The following ALMS1 variants were observed in gnomAD, a reference collection of about 807,000 sequenced individuals.
ALMS1 encodes the protein ALMS1 centrosome and basal body associated protein.
Under a neutral mutation model 352.2 loss-of-function variants are expected in ALMS1, and 271 were observed. The observed-to-expected ratio is 0.77, with a 90% CI of 0.70 to 0.85. ALMS1 has a LOEUF of 0.85. ALMS1 is among the 40% of genes least tolerant of loss of function. ALMS1 has a pLI of 0.00. For missense variants in ALMS1, 5,445 were observed against 4,870.7 expected, an observed-to-expected ratio of 1.12 and a Z score of -3.51; for synonymous variants, 1,865 against 1,761.2, an observed-to-expected ratio of 1.06 and a Z score of -1.48.
chr2:73,551,439 T>TC (rs1447082980), intron 13 of ALMS1, among the ~76,000 whole-genome samples: 1 of 125,978 alleles, frequency 7.9e-6, no homozygotes, highest in Non-Finnish European at 1.8e-5. Context: ...TTTTTTTTTT[T>TC]TTTTTTTTTT....
intron 12 of ALMS1, among the ~76,000 whole-genome samples, chr2:73,541,614 C>T (rs113839046): frequency 2.9e-4 from 44 of 152,224 alleles, no homozygotes; most frequent in Middle Eastern, 3.4e-3. Context: ...AATTGATAGA[C>T]TGCTGGCCAG....
intron 9 of ALMS1, among the ~76,000 whole-genome samples, chr2:73,459,873 A>G (rs953247740): frequency 1.3e-5 from 2 of 152,152 alleles, no homozygotes; most frequent in South Asian, 2.1e-4. Context: ...TATTGATACT[A>G]TGATGCTGTT....
intron 9 of ALMS1, among the ~76,000 whole-genome samples, chr2:73,473,813 T>C (rs79429689): frequency 0.06 from 9,130 of 152,022 alleles, 671 homozygotes; most frequent in African/African-American, 0.16. Context: ...AAAGGTCAGA[T>C]GATTTATTTA....
At chr2:73,426,338 G>A (rs1279102576) in intron 5 of ALMS1, 115 bp from the exon 6 acceptor site, 6 of 990,280 alleles carry the variant, frequency 6.1e-6, no homozygotes, top group East Asian at 2.4e-5. Flanking sequence ...AATTGCAGTC[G>A]CCCAAGAGAC....
At chr2:73,550,527 G>A in intron 13 of ALMS1, 90 bp downstream of exon 13, 1 of 1,518,984 alleles carries the variant, frequency 6.6e-7, no homozygotes, top group Non-Finnish European at 9.0e-7. Context: ...CTTTTTTTCT[G>A]TTTTGTTATA....
chr2:73,543,913 G>T (rs1674250597), intron 12 of ALMS1, among the ~76,000 whole-genome samples: 1 of 152,188 alleles, frequency 6.6e-6, no homozygotes, highest in Non-Finnish European at 1.5e-5. Context: ...TTACACTGTT[G>T]GTGGGACTGT....
chr2:73,442,709 G>T (rs1671742386), intron 7 of ALMS1, among the ~76,000 whole-genome samples: 1 of 152,126 alleles, frequency 6.6e-6, no homozygotes, highest in Non-Finnish European at 1.5e-5. Flanking sequence ...AGGAAACAAT[G>T]CTTTGTGCAA....
At chr2:73,542,799 A>G (rs996579478) in intron 12 of ALMS1, among the ~76,000 whole-genome samples, 4 of 152,114 alleles carry the variant, frequency 2.6e-5, no homozygotes, top group African/African-American at 7.2e-5. Context: ...TAGGAATCCA[A>G]CTTACAAGGG....
In ALMS1 at chr2:73,460,396, T is replaced by G. The variant is rs114877705; in HGVS notation, c.7674+5101T>G. Among the ~76,000 whole-genome samples, 1,429 of 152,204 alleles carry G rather than the reference T, an allele frequency of 9.4e-3. 36 individuals are homozygous for G. Among genetic ancestry groups the G allele is most frequent in the African/African-American group, 0.033 (1,373 of 41,522 alleles). ...TCAGTGAAAATCTGTTTTAAGAATG[T>G]GGTAATATAAAAATGATTTTAGACA... On this transcript the variant is annotated intron_variant, in intron 9 of 22. Transcript: ENST00000613296.
chr2:73,459,926 A>G (rs572778196), intron 9 of ALMS1, among the ~76,000 whole-genome samples: 1 of 152,284 alleles, frequency 6.6e-6, no homozygotes, highest in South Asian at 2.1e-4. Flanking sequence ...GTACATAATT[A>G]CACGCACCCC....
chr2:73,542,279 C>G (rs1424311389), intron 12 of ALMS1, among the ~76,000 whole-genome samples: 2 of 152,176 alleles, frequency 1.3e-5, no homozygotes, highest in Non-Finnish European at 2.9e-5. Context: ...ACATGATTAT[C>G]TCAATAGATG....
At chr2:73,500,588 A>T (rs907689183) in intron 10 of ALMS1, among the ~76,000 whole-genome samples, 1 of 152,082 alleles carries the variant, frequency 6.6e-6, no homozygotes, top group African/African-American at 2.4e-5. Context: ...ATATACAGAG[A>T]TAAGGAAAAA....
In ALMS1 at chr2:73,448,358, A is replaced by ACAACTGG; in HGVS notation, c.1834_1840dup (p.Met614AsnfsTer14). 1.9e-6 allele frequency: 3 copies of ACAACTGG among 1,614,062 alleles called. No homozygotes were observed. Among genetic ancestry groups the ACAACTGG allele is most frequent in the Non-Finnish European group, 2.5e-6 (3 of 1,179,942 alleles). On this transcript the variant is annotated frameshift_variant, in exon 8 of 23. Transcript: ENST00000613296. LOFTEE classifies it high-confidence loss of function. ...AGCTGCTCCTGGACTAGCTGACCAG[A>ACAACTGG]CAACTGGCATGTCAACTCTAACCTC...
chr2:73,552,279 A>G (rs1674454943), intron 13 of ALMS1, among the ~76,000 whole-genome samples: 1 of 152,238 alleles, frequency 6.6e-6, no homozygotes, highest in Non-Finnish European at 1.5e-5. Context: ...AGAGAAGCAT[A>G]TCTACCAGCT....
chr2:73,508,854 C>CT (rs1572983395), intron 10 of ALMS1, among the ~76,000 whole-genome samples: 1 of 152,274 alleles, frequency 6.6e-6, no homozygotes, highest in East Asian at 1.9e-4. Flanking sequence ...GTGTGGGAGT[C>CT]TAAGTCTCTT....
rs551870069 is a variant in ALMS1, at chr2:73,479,944, T to C, written c.7675-9690T>C. ...GTATGTAGTGGTATCTTATTAAGTT[T>C]TTAATGTGTATTTCCCTAATGGTTT... On this transcript the variant is annotated intron_variant, in intron 9 of 22. Coordinates refer to ENST00000613296, the MANE Select transcript of ALMS1 (RefSeq NM_001378454.1). Among the ~76,000 whole-genome samples, 10 of 152,304 alleles carry C rather than the reference T, an allele frequency of 6.6e-5. No individual in the cohort carries two copies. The South Asian group carries it at 8.3e-4, about 13-fold the overall frequency.
intron 10 of ALMS1, among the ~76,000 whole-genome samples, chr2:73,497,703 CT>C (rs1016693308): frequency 1.4e-4 from 21 of 152,266 alleles, no homozygotes; most frequent in African/African-American, 5.1e-4. Flanking sequence ...ATCAAAGTTA[CT>C]GCAAAAGACA....
intron 15 of ALMS1, among the ~76,000 whole-genome samples, chr2:73,562,743 C>T (rs943735208): frequency 6.6e-6 from 1 of 151,718 alleles, no homozygotes; most frequent in South Asian, 2.1e-4. Context: ...CAAAATTAGC[C>T]GGGCATGGTG....
rs569696567 is a variant in ALMS1 at position 73,602,233 on chromosome 2, C to G, written c.12163C>G (p.Arg4055Gly). ...TGACTTCATCTCCCGCTCTGGGGAG[C>G]GGATAAAGCGCCTGAAGTTAATAGT... ...RPDFISRSGE[R>G]IKRLKLIVQE... The change falls in exon 20 of 23, where the codon CGG becomes GGG. Residue 4055 changes from arginine (R) to glycine (G), a missense_variant. Transcript: ENST00000613296. 6.2e-6 allele frequency: 10 copies of G among 1,614,088 alleles called. No individual in the cohort carries two copies. In the East Asian group the frequency reaches 2.0e-4, roughly 32 times the overall value.
Sources: allele counts gnomAD v4.1 joint callset (sites outside exome capture counted in the v4.1 genomes callset), GRCh38; gene constraint gnomAD v4.1.1; transcripts MANE v1.5; gene names NCBI Gene and HGNC (gene_info 2026-07-23, HGNC 2026-07-21).